ATP11A: variants seen among roughly 807,000 people sequenced by gnomAD.
ATP11A encodes ATPase phospholipid transporting 11A.
A neutral mutation model predicts 154.4 loss-of-function variants in ATP11A; 81 were observed. The observed-to-expected ratio is 0.52, with a 90% CI of 0.44 to 0.63. ATP11A has a LOEUF of 0.63. ATP11A is among the 30% of genes least tolerant of loss of function. The pLI is 0.00. For synonymous variants in ATP11A, 623 were observed against 585.9 expected (o/e 1.06, Z -0.91); for missense variants, 1,316 against 1,474.3 (o/e 0.89, Z 1.76).
At chr13:112,732,294 G>C (rs979872661) in intron 1 of ATP11A, among the ~76,000 whole-genome samples, 1 of 152,164 alleles carries the variant, frequency 6.6e-6, no homozygotes, top group Admixed American at 6.5e-5. Flanking sequence ...TGAAAACTTG[G>C]CATAAAAATG....
chr13:112,858,186 G>A lies in ATP11A; in HGVS notation c.2563G>A (p.Asp855Asn), dbSNP rs767381887. Residue 855 changes from aspartate (D) to asparagine (N), a missense_variant, in exon 22 of 30, where the codon GAC (aspartate) becomes AAC (asparagine). This residue lies in a region of ATP11A where 876 missense variants were observed against 1,006.8 expected (regional missense o/e 0.87). Coordinates refer to ENST00000375645, the MANE Select transcript of ATP11A (RefSeq NM_015205.3). ...AGGCCGCCAGGCTGCCAGGAACAGC[G>A]ACTATGCAATCCCAAAGTTTAAGCA... ...KEGRQAARNS[D>N]YAIPKFKHLK... 11 of 1,613,888 alleles carry A rather than the reference G, an allele frequency of 6.8e-6. No homozygotes were observed. The highest frequency in any genetic ancestry group is 2.7e-5 in the African/African-American group (2 of 74,948).
Position 112,819,851 on chromosome 13 carries a change from G to C in ATP11A, c.675-49G>C, listed in dbSNP as rs565324258. The C allele has an allele frequency of 7.5e-6, 12 of 1,607,562 alleles. No homozygotes were observed. The South Asian group carries it at 1.1e-4, about 15-fold the overall frequency. On this transcript the variant is annotated intron_variant, in intron 7 of 29. Transcript: ENST00000375645. ...CAGGTGGGCCAGGCGCGCGCTTCCC[G>C]GGGGCCGCTGGGCGCGTCCGGTCAG...
chr13:112,814,834 A>G (rs955804777), intron 5 of ATP11A, among the ~76,000 whole-genome samples: 3 of 152,206 alleles, frequency 2.0e-5, no homozygotes, highest in Non-Finnish European at 2.9e-5. Flanking sequence ...TAGCTATTCT[A>G]GAGCCTGTGC....
chr13:112,802,567 A>C (rs1300938450), intron 2 of ATP11A, among the ~76,000 whole-genome samples: 1 of 151,544 alleles, frequency 6.6e-6, no homozygotes, highest in Non-Finnish European at 1.5e-5. Flanking sequence ...AAAAAAAAAA[A>C]AAAAAACCCA....
At chr13:112,702,634 G>A (rs1594337426) in intron 1 of ATP11A, among the ~76,000 whole-genome samples, 1 of 152,242 alleles carries the variant, frequency 6.6e-6, no homozygotes, top group Non-Finnish European at 1.5e-5. Flanking sequence ...TGAGACAGGC[G>A]CATCTCTCAG....
intron 1 of ATP11A, among the ~76,000 whole-genome samples, chr13:112,744,853 C>G (rs1891952905): frequency 6.6e-6 from 1 of 152,178 alleles, no homozygotes; most frequent in African/African-American, 2.4e-5. Flanking sequence ...AGCTCTCCAG[C>G]CTCAATTTCT....
chr13:112,819,848 C>T, intron 7 of ATP11A, 52 bp from the exon 8 acceptor site: 1 of 1,609,072 alleles, frequency 6.2e-7, no homozygotes, highest in Non-Finnish European at 8.5e-7. Flanking sequence ...GCGCGCGCTT[C>T]CCGGGGGCCG....
At chr13:112,841,852 A>T (rs1395414693) in intron 16 of ATP11A, among the ~76,000 whole-genome samples, 1 of 152,262 alleles carries the variant, frequency 6.6e-6, no homozygotes, top group Non-Finnish European at 1.5e-5. Context: ...TTCCAAGTTC[A>T]GAGGTGGCCC....
intron 1 of ATP11A, among the ~76,000 whole-genome samples, chr13:112,730,260 A>T (rs1373433788): frequency 6.6e-6 from 1 of 152,180 alleles, no homozygotes; most frequent in Non-Finnish European, 1.5e-5. Flanking sequence ...GAGCTTCTGT[A>T]CCGGAGGCGA....
chr13:112,880,826 G>A (rs981074849), intron 29 of ATP11A: 160 of 1,129,556 alleles, frequency 1.4e-4, no homozygotes, highest in Non-Finnish European at 1.7e-4. Flanking sequence ...CTGAGGGCAA[G>A]CTGACCACAC....
rs112750271 is a variant in ATP11A at position 112,785,847 on chromosome 13, C to T, written c.162+590C>T. Among the ~76,000 whole-genome samples, 2,101 of 150,554 alleles carry T rather than the reference C, an allele frequency of 0.014. 80 individuals are homozygous for T. The highest frequency in any genetic ancestry group is 0.051 in the African/African-American group (2,026 of 39,880). ...CCACGTTCAGAGAGTGACCTGGAAA[C>T]AGGTCTTAAGAACAAGGTGGAAATT... On this transcript the variant is annotated intron_variant, in intron 2 of 29. Coordinates refer to ENST00000375645, the MANE Select transcript of ATP11A (RefSeq NM_015205.3). This position sits in a 1 kb window ranked among gnomAD's most constrained non-coding sequence, Gnocchi z 4.8.
At chr13:112,731,585 C>T (rs1318490902) in intron 1 of ATP11A, among the ~76,000 whole-genome samples, 6 of 152,148 alleles carry the variant, frequency 3.9e-5, no homozygotes, top group Non-Finnish European at 7.3e-5. Context: ...AGAGTGGGAA[C>T]TGGATGTGAA....
chr13:112,720,778 G>A (rs765011230), intron 1 of ATP11A, among the ~76,000 whole-genome samples: 1 of 152,086 alleles, frequency 6.6e-6, no homozygotes, highest in Non-Finnish European at 1.5e-5. Flanking sequence ...GGCTGGTCTC[G>A]ATCTCTTAAC....
intron 1 of ATP11A, among the ~76,000 whole-genome samples, chr13:112,744,489 C>T (rs1465175545): frequency 2.0e-5 from 3 of 152,212 alleles, no homozygotes; most frequent in East Asian, 1.9e-4. Context: ...CATGGGGAGC[C>T]TAATCTTCAC....
chr13:112,705,465 G>A (rs1342998725), intron 1 of ATP11A, among the ~76,000 whole-genome samples: 1 of 143,450 alleles, frequency 7.0e-6, no homozygotes, highest in Admixed American at 6.7e-5. Flanking sequence ...AGGTACAGGC[G>A]CCCCAGCTCT....
intron 1 of ATP11A, among the ~76,000 whole-genome samples, chr13:112,783,082 G>A (rs550459839): frequency 2.0e-5 from 3 of 152,202 alleles, no homozygotes; most frequent in Admixed American, 6.5e-5. Context: ...GTGAATTACC[G>A]ATGGAATTTA....
At chr13:112,880,911 A>T in intron 29 of ATP11A, 1 of 994,904 alleles carries the variant, frequency 1.0e-6, no homozygotes, top group South Asian at 4.3e-5. Flanking sequence ...CAGACCCAGC[A>T]TCGTCAGACA....
At chr13:112,730,142 G>A (rs1423578631) in intron 1 of ATP11A, among the ~76,000 whole-genome samples, 1 of 152,182 alleles carries the variant, frequency 6.6e-6, no homozygotes, top group Admixed American at 6.5e-5. Context: ...CATAGACCAC[G>A]GACCACATGG....
At chr13:112,784,825 G>A (rs920403900) in intron 1 of ATP11A, among the ~76,000 whole-genome samples, 15 of 152,172 alleles carry the variant, frequency 9.9e-5, no homozygotes, top group Non-Finnish European at 1.5e-4. Context: ...GCCCGGCCGC[G>A]TTCTGTTCTT....
Sources: gnomAD v4.1 joint callset for allele counts (sites outside exome capture counted in the v4.1 genomes callset) on GRCh38, gnomAD v4.1.1 for gene constraint, gnomAD v4.1.1 regional missense constraint, Gnocchi (gnomAD v3.1) non-coding constraint, MANE v1.5 for transcripts, NCBI Gene and HGNC (gene_info 2026-07-23, HGNC 2026-07-21) for gene names.